The following DAB1 variants were observed in gnomAD, a reference collection of about 807,000 sequenced individuals.
The protein encoded by DAB1 is DAB adaptor protein 1.
DAB1 carries 15 observed loss-of-function variants against 64.6 expected under a neutral mutation model. The observed-to-expected ratio is 0.23, with a 90% confidence interval of 0.16 to 0.36. DAB1 has a LOEUF of 0.36. Ranked by LOEUF, DAB1 falls within the 10% of genes least tolerant of loss-of-function variation. The pLI, the probability that DAB1 is intolerant of heterozygous loss-of-function variation, is 1.00. For missense variants in DAB1, 596 were observed against 706.7 expected (o/e 0.84, Z 1.78); for synonymous variants, 235 against 251.9 (o/e 0.93, Z 0.64).
intron 4 of DAB1, among the ~76,000 whole-genome samples, chr1:57,129,321 A>G (rs138561782): frequency 1.3e-5 from 2 of 152,136 alleles, no homozygotes; most frequent in Non-Finnish European, 2.9e-5. Context: ...TGGGCTACGA[A>G]TTGATTTTTT....
intron 7 of DAB1, among the ~76,000 whole-genome samples, chr1:57,587,307 G>A (rs1645392285): frequency 1.3e-5 from 2 of 152,076 alleles, no homozygotes; most frequent in Admixed American, 1.3e-4. Flanking sequence ...GGTCTCTAAG[G>A]GATAATAATA....
chr1:58,461,345 A>G (rs1415259841), intron 3 of DAB1, among the ~76,000 whole-genome samples: 1 of 152,174 alleles, frequency 6.6e-6, no homozygotes, highest in Non-Finnish European at 1.5e-5. Flanking sequence ...AGTGAAGACT[A>G]CTGTCTTAGA....
chr1:57,985,781 G>A (rs1270609623), intron 5 of DAB1, among the ~76,000 whole-genome samples: 2 of 152,130 alleles, frequency 1.3e-5, no homozygotes, highest in African/African-American at 4.8e-5. Context: ...TGCGTGGTCA[G>A]TGTTCTTCAT....
At chr1:57,658,465 G>A (rs868851744) in intron 6 of DAB1, among the ~76,000 whole-genome samples, 10 of 150,958 alleles carry the variant, frequency 6.6e-5, no homozygotes, top group South Asian at 2.1e-4. Flanking sequence ...CACCATGCCC[G>A]GCTAATTTTT....
At chr1:58,141,728 T>A (rs1000915869) in intron 5 of DAB1, among the ~76,000 whole-genome samples, 2 of 152,150 alleles carry the variant, frequency 1.3e-5, no homozygotes, top group South Asian at 4.2e-4. Flanking sequence ...CCAAAGGAAG[T>A]GACAGCTGCT....
chr1:58,508,574 C>T (rs186893867), intron 2 of DAB1, among the ~76,000 whole-genome samples: 130 of 152,266 alleles, frequency 8.5e-4, no homozygotes, highest in Admixed American at 7.6e-3. Flanking sequence ...CATAAGAACA[C>T]CTGCAGCTCC....
intron 4 of DAB1, among the ~76,000 whole-genome samples, chr1:58,235,826 A>T (rs560313560): frequency 6.6e-6 from 1 of 152,290 alleles, no homozygotes; most frequent in Non-Finnish European, 1.5e-5. Context: ...CAGTCTGGAG[A>T]GAAGTCATCT....
intron 5 of DAB1, among the ~76,000 whole-genome samples, chr1:58,034,946 C>T (rs188830687): frequency 2.0e-5 from 3 of 152,300 alleles, no homozygotes; most frequent in East Asian, 1.9e-4. Context: ...GGAGAGTCTA[C>T]GTCTCTTCCC....
In DAB1 at chr1:58,011,379, C is replaced by A. The variant is rs576557439; in HGVS notation, n.388-127217G>T. On this transcript the variant is annotated intron_variant and non_coding_transcript_variant, in intron 5 of 20. Coordinates refer to the DAB1 transcript ENST00000485760. ...CTAATCCAAACTCTTCATCTTAAAT[C>A]AAGGCCTATTTTCATTTCATTTAAT... Among the ~76,000 whole-genome samples the A allele has an allele frequency of 4.6e-5, 7 of 152,286 alleles. No individual in the cohort carries two copies. In the South Asian group the frequency reaches 1.0e-3, roughly 23 times the overall value.
chr1:57,393,727 G>A (rs868092701), intron 1 of DAB1, among the ~76,000 whole-genome samples: 3 of 152,006 alleles, frequency 2.0e-5, no homozygotes, highest in African/African-American at 7.3e-5. Context: ...AATCTGGATG[G>A]GCAATTGCTG....
intron 9 of DAB1, among the ~76,000 whole-genome samples, chr1:57,044,902 C>T (rs1408395603): frequency 6.6e-6 from 1 of 152,184 alleles, no homozygotes; most frequent in Admixed American, 6.5e-5. Context: ...GATGGAACTT[C>T]CTCTGTATGA....
intron 4 of DAB1, among the ~76,000 whole-genome samples, chr1:57,129,017 G>A (rs1220918121): frequency 1.3e-5 from 2 of 152,176 alleles, no homozygotes; most frequent in African/African-American, 4.8e-5. Flanking sequence ...TGTCTAATGG[G>A]AGGAGTGGCT....
chr1:58,492,592 C>T lies in DAB1; in HGVS notation n.257+13468G>A, dbSNP rs1406069652. ...AAAATGATAAAGGGGATATCACCAC[C>T]GATCCCACAGAAATACAAACTACCA... is the stretch of plus-strand genomic sequence containing the variant. On this transcript the variant is annotated intron_variant and non_coding_transcript_variant, in intron 3 of 20. Coordinates refer to the DAB1 transcript ENST00000485760. Among the ~76,000 whole-genome samples, 9 of 152,072 alleles carry T rather than the reference C, an allele frequency of 5.9e-5. No individual in the cohort carries two copies. The East Asian group carries it at 1.2e-3, about 20-fold the overall frequency.
At chr1:57,820,605 T>G (rs1334360471) in intron 6 of DAB1, among the ~76,000 whole-genome samples, 1 of 152,216 alleles carries the variant, frequency 6.6e-6, no homozygotes, top group Non-Finnish European at 1.5e-5. Context: ...GTATCATTGC[T>G]TCTACTCCAG....
chr1:57,413,085 G>A (rs756987854), intron 1 of DAB1, among the ~76,000 whole-genome samples: 10 of 152,118 alleles, frequency 6.6e-5, no homozygotes, highest in Non-Finnish European at 1.3e-4. Flanking sequence ...TACTCTGCCT[G>A]TACTCTAAAA....
chr1:57,931,772 T>C (rs76762790), intron 5 of DAB1, among the ~76,000 whole-genome samples: 12,924 of 152,250 alleles, frequency 0.085, 635 homozygotes, highest in East Asian at 0.13. Flanking sequence ...AGGCTTTCGA[T>C]CTTACTGATC....
chr1:57,931,107 A>C (rs1213148614), intron 5 of DAB1, among the ~76,000 whole-genome samples: 2 of 152,180 alleles, frequency 1.3e-5, no homozygotes, highest in East Asian at 3.9e-4. Flanking sequence ...GATTAATATG[A>C]CCATGTAATT....
chr1:58,023,747 G>T (rs2100459807), intron 5 of DAB1, among the ~76,000 whole-genome samples: 1 of 152,248 alleles, frequency 6.6e-6, no homozygotes, highest in Non-Finnish European at 1.5e-5. Flanking sequence ...TGACTTATTA[G>T]ACAATTTTGT....
intron 1 of DAB1, among the ~76,000 whole-genome samples, chr1:57,865,437 G>A (rs994511540): frequency 2.0e-5 from 3 of 151,836 alleles, no homozygotes; most frequent in African/African-American, 4.8e-5. Flanking sequence ...CAGCCCACTG[G>A]GCCCTAAATA....
Sources: gnomAD v4.1 joint callset for allele counts (sites outside exome capture counted in the v4.1 genomes callset) on GRCh38, gnomAD v4.1.1 for gene constraint, MANE v1.5 for transcripts, NCBI Gene and HGNC (gene_info 2026-07-23, HGNC 2026-07-21) for gene names.